The following GSDMA variants were observed in gnomAD, a reference collection of about 807,000 sequenced individuals.
GSDMA encodes gasdermin-A.
A neutral mutation model predicts 54.3 loss-of-function variants in GSDMA; 55 were observed. The observed-to-expected ratio is 1.01, with a 90% CI of 0.82 to 1.27. The LOEUF (loss-of-function observed/expected upper bound fraction) is 1.27, where lower values mean the gene tolerates loss of function less well. Ranked by LOEUF, GSDMA falls within the 50% of genes most tolerant of loss-of-function variation. The pLI, the probability that GSDMA is intolerant of heterozygous loss-of-function variation, is 0.00. For synonymous variants in GSDMA, 211 were observed against 224.7 expected (o/e 0.94, Z 0.54); for missense variants, 542 against 542.6 (o/e 1.00, Z 0.01).
At chr17:39,974,540 G>A in intron 9 of GSDMA, 113 bp downstream of exon 9, 1 of 1,191,220 alleles carries the variant, frequency 8.4e-7, no homozygotes, top group Non-Finnish European at 1.2e-6. Flanking sequence ...GGAGGTGGGT[G>A]GCCAGGGGAG....
chr17:39,971,676 T>C (rs1433102963), intron 5 of GSDMA, 56 bp downstream of exon 5: 28 of 1,267,780 alleles, frequency 2.2e-5, no homozygotes, highest in Non-Finnish European at 3.1e-5. Flanking sequence ...GCACCAGTAC[T>C]GAGGCACCCT....
In GSDMA at chr17:39,965,750, G is replaced by A. The variant is rs1202125940; in HGVS notation, c.63G>A (p.Leu21=). 2.5e-6 allele frequency: 4 copies of A among 1,611,768 alleles called. No individual in the cohort carries two copies. The Admixed American group carries it at 5.0e-5, about 20-fold the overall frequency. ...LARQLNPRGD[L]TPLDSLIDFK... Reference sequence around the variant, plus strand: ...GACAGCTAAACCCTCGAGGGGACCTGACACCACTTGACAGCCTCATCGACT... The same window carrying A: ...GACAGCTAAACCCTCGAGGGGACCTAACACCACTTGACAGCCTCATCGACT... The change falls in exon 2 of 12, where the codon CTG becomes CTA. Residue 21 remains leucine (L), a synonymous_variant. Coordinates refer to ENST00000301659, the MANE Select transcript of GSDMA (RefSeq NM_178171.5).
intron 1 of GSDMA, among the ~76,000 whole-genome samples, chr17:39,964,959 C>T (rs1276230726): frequency 6.6e-6 from 1 of 151,788 alleles, no homozygotes; most frequent in Non-Finnish European, 1.5e-5. Flanking sequence ...GACTCTGTCT[C>T]TACAAAAAAA....
chr17:39,973,793 T>C lies in GSDMA; in HGVS notation c.731-17T>C. ...AAGGATTGCATTCTTATCTTTTTTT[T>C]TTCCTTTTTTTCTCAGTTATCCAGG... On this transcript the variant is annotated splice_polypyrimidine_tract_variant and intron_variant, in intron 7 of 11. Transcript: ENST00000301659. 6.2e-7 allele frequency: 1 copy of C among 1,608,416 alleles called. No individual in the cohort carries two copies. The highest frequency in any genetic ancestry group is 8.5e-7 in the Non-Finnish European group (1 of 1,176,606).
In GSDMA at chr17:39,976,908, G is replaced by A; in HGVS notation, c.1188G>A (p.Glu396=). Residue 396 remains glutamate, a synonymous_variant, in exon 12 of 12, where the codon GAG becomes GAA. Transcript: ENST00000301659. ...TGCTCTCCTCCCTTGGGGACGAGGA[G>A]CTGACCCTCACGGAGGCTCTAGTCG... The part of the protein sequence containing the change: ...PELLSSLGDE[E]LTLTEALVGL... 2 of 1,613,952 alleles carry A rather than the reference G, an allele frequency of 1.2e-6. No individual in the cohort carries two copies. The highest frequency in any genetic ancestry group is 1.7e-6 in the Non-Finnish European group (2 of 1,179,896).
chr17:39,965,334 AAAAGAAAAG>A (rs760201838), intron 1 of GSDMA, among the ~76,000 whole-genome samples: 1 of 151,416 alleles, frequency 6.6e-6, no homozygotes, highest in East Asian at 1.9e-4. Context: ...GAAAGAAAGA[AAAAGAAAAG>A]AAAGAAAAGA....
At chr17:39,968,178 G>A (rs1979754335) in intron 3 of GSDMA, among the ~76,000 whole-genome samples, 1 of 151,652 alleles carries the variant, frequency 6.6e-6, no homozygotes, top group African/African-American at 2.4e-5. Flanking sequence ...AGGAGGTAAG[G>A]TGGCTCGTGA....
At chr17:39,976,462 G>A (rs1399977641) in intron 11 of GSDMA, among the ~76,000 whole-genome samples, 2 of 152,018 alleles carry the variant, frequency 1.3e-5, no homozygotes, top group African/African-American at 4.8e-5. Flanking sequence ...ATTTTTAGTA[G>A]AGACAGGGTT....
At chr17:39,974,174 A>G in intron 8 of GSDMA, 99 bp from the exon 9 acceptor site, 1 of 1,245,004 alleles carries the variant, frequency 8.0e-7, no homozygotes, top group Non-Finnish European at 1.1e-6. Context: ...GAGCATGGGT[A>G]CCTAAAGGGG....
At chr17:39,967,329 C>G (rs1250458370) in intron 3 of GSDMA, among the ~76,000 whole-genome samples, 1 of 152,162 alleles carries the variant, frequency 6.6e-6, no homozygotes, top group Non-Finnish European at 1.5e-5. Context: ...ACAGACATGG[C>G]AGCCTCTGTT....
In GSDMA at chr17:39,971,617, T is replaced by G. The variant is rs1568130345; in HGVS notation, c.652T>G (p.Trp218Gly). 1 of 1,611,854 alleles carries G rather than the reference T, an allele frequency of 6.2e-7. No individual in the cohort carries two copies. Reference sequence around the variant, plus strand: ...GCTGATGGTCAAAGGCAAAGATGAGTGGGGTGAGCAGAGACCCGCATGTTC... The same window carrying G: ...GCTGATGGTCAAAGGCAAAGATGAGGGGGGTGAGCAGAGACCCGCATGTTC... ...RQLMVKGKDE[W>G]DIPHICNDNM... Residue 218 changes from tryptophan (W) to glycine (G), a missense_variant, in exon 5 of 12, where the codon TGG (tryptophan) becomes GGG (glycine). Physicochemically the swap from Trp to Gly is radical, Grantham distance 184. Transcript: ENST00000301659.
chr17:39,976,114 T>G (rs1284009452), intron 11 of GSDMA, 117 bp downstream of exon 11: 2 of 632,930 alleles, frequency 3.2e-6, no homozygotes, highest in Admixed American at 5.7e-5. Context: ...TCCCAGGGGC[T>G]TATGCCCACT....
chr17:39,976,792 T>C (rs755072789), intron 11 of GSDMA, 24 bp from the exon 12 acceptor site: 5 of 1,611,052 alleles, frequency 3.1e-6, no homozygotes, highest in Non-Finnish European at 4.2e-6. Flanking sequence ...TTCTTTCTTT[T>C]CATGCTGTTT....
At chr17:39,963,483 C>T (rs530863131) in intron 1 of GSDMA, among the ~76,000 whole-genome samples, 3 of 152,180 alleles carry the variant, frequency 2.0e-5, no homozygotes, top group African/African-American at 2.4e-5. Context: ...CTTCCACCCA[C>T]GGGGATAACT....
chr17:39,967,001 T>C (rs1979700463), intron 3 of GSDMA, among the ~76,000 whole-genome samples: 1 of 152,048 alleles, frequency 6.6e-6, no homozygotes, highest in East Asian at 1.9e-4. Context: ...ACCGGATGTT[T>C]GGCTTGACAC....
intron 5 of GSDMA, 86 bp downstream of exon 5, chr17:39,971,706 G>A (rs1449357972): frequency 1.1e-6 from 1 of 945,612 alleles, no homozygotes; most frequent in Non-Finnish European, 1.7e-6. Flanking sequence ...TTGCGGAAAT[G>A]TCAGAGAATG....
At chr17:39,966,181 C>T in intron 2 of GSDMA, 79 bp from the exon 3 acceptor site, 1 of 1,473,592 alleles carries the variant, frequency 6.8e-7, no homozygotes, top group Non-Finnish European at 9.4e-7. Context: ...TCCACCTTGG[C>T]CTCCCAAAAT....
intron 4 of GSDMA, among the ~76,000 whole-genome samples, chr17:39,971,051 G>A (rs1178486997): frequency 6.6e-6 from 1 of 152,226 alleles, no homozygotes; most frequent in Non-Finnish European, 1.5e-5. Flanking sequence ...TGGAAATAAG[G>A]AATGGTCTCC....
At chr17:39,969,142 C>T (rs1979811864) in intron 3 of GSDMA, among the ~76,000 whole-genome samples, 2 of 151,960 alleles carry the variant, frequency 1.3e-5, no homozygotes, top group Admixed American at 6.6e-5. Flanking sequence ...TGCTTGAGCC[C>T]AGGAGTTCAA....
Sources: allele counts gnomAD v4.1 joint callset (sites outside exome capture counted in the v4.1 genomes callset), GRCh38; gene constraint gnomAD v4.1.1; transcripts MANE v1.5; gene names NCBI Gene and HGNC (gene_info 2026-07-23, HGNC 2026-07-21).